Variants in AGBL4 observed in about 807,000 individuals in gnomAD.
AGBL4 encodes AGBL carboxypeptidase 4.
Under a neutral mutation model 66.4 loss-of-function variants are expected in AGBL4, and 58 were observed. The observed-to-expected ratio is 0.87, with a 90% CI of 0.71 to 1.09. The LOEUF (loss-of-function observed/expected upper bound fraction) is 1.09, where lower values mean the gene tolerates loss of function less well. AGBL4 is among the 50% of genes least tolerant of loss of function. The pLI is 0.00. For missense variants in AGBL4, 579 were observed against 631.0 expected (o/e 0.92, Z 0.88); for synonymous variants, 234 against 222.9 (o/e 1.05, Z -0.44).
At chr1:49,827,502 G>A (rs966367078) in intron 2 of AGBL4, among the ~76,000 whole-genome samples, 1 of 152,152 alleles carries the variant, frequency 6.6e-6, no homozygotes. Context: ...TCTAGATACA[G>A]ACACAATCGG....
At chr1:49,599,014 T>C (rs1043491936) in intron 3 of AGBL4, among the ~76,000 whole-genome samples, 1 of 152,224 alleles carries the variant, frequency 6.6e-6, no homozygotes, top group Non-Finnish European at 1.5e-5. Context: ...AGTATTTTAT[T>C]GAGGATTTTC....
intron 2 of AGBL4, among the ~76,000 whole-genome samples, chr1:49,747,616 A>C (rs984235491): frequency 6.6e-6 from 1 of 152,176 alleles, no homozygotes; most frequent in East Asian, 1.9e-4. Context: ...TTTGTCAACT[A>C]ATCAGAGATC....
intron 3 of AGBL4, among the ~76,000 whole-genome samples, chr1:49,258,335 G>T (rs574564572): frequency 6.6e-6 from 1 of 152,318 alleles, no homozygotes; most frequent in African/African-American, 2.4e-5. Flanking sequence ...AGAGAAGAAG[G>T]CTTCAGACGA....
chr1:49,831,821 G>T (rs947248157), intron 2 of AGBL4, among the ~76,000 whole-genome samples: 3 of 151,982 alleles, frequency 2.0e-5, no homozygotes, highest in Non-Finnish European at 4.4e-5. Flanking sequence ...TAGCATTAAG[G>T]GGTGTTGAAT....
chr1:48,970,548 C>A (rs1415701504), intron 5 of AGBL4, among the ~76,000 whole-genome samples: 3 of 152,208 alleles, frequency 2.0e-5, no homozygotes, highest in South Asian at 4.1e-4. Flanking sequence ...TTGCATTATT[C>A]TTTTATAGTG....
chr1:49,844,143 T>C (rs1646075138), intron 2 of AGBL4, among the ~76,000 whole-genome samples: 1 of 152,224 alleles, frequency 6.6e-6, no homozygotes, highest in African/African-American at 2.4e-5. Flanking sequence ...CAGCTATTCC[T>C]GTTTGTGGGA....
intron 3 of AGBL4, among the ~76,000 whole-genome samples, chr1:49,551,462 T>C (rs747517170): frequency 3.9e-5 from 6 of 152,200 alleles, no homozygotes; most frequent in Non-Finnish European, 7.3e-5. Context: ...AAGGTTACTG[T>C]TCAGATTCTT....
chr1:48,727,142 T>C (rs754055848), intron 6 of AGBL4, among the ~76,000 whole-genome samples: 1 of 152,142 alleles, frequency 6.6e-6, no homozygotes, highest in South Asian at 2.1e-4. Context: ...ACATTTGAGA[T>C]ACAAGATAGG....
chr1:48,866,847 T>C (rs939578698), intron 6 of AGBL4, among the ~76,000 whole-genome samples: 3 of 152,148 alleles, frequency 2.0e-5, no homozygotes, highest in Non-Finnish European at 4.4e-5. Context: ...AGATTCTCCA[T>C]TCCACATGAT....
chr1:49,613,609 G>GTTATGAGAATCTAATGCC (rs1645196559), intron 3 of AGBL4, among the ~76,000 whole-genome samples: 1 of 152,112 alleles, frequency 6.6e-6, no homozygotes, highest in Non-Finnish European at 1.5e-5. Flanking sequence ...GGGGATCTAG[G>GTTATGAGAATCTAATGCC]TTATGAGAAT....
At chr1:50,023,054 T>C (rs1034580590) in intron 1 of AGBL4, among the ~76,000 whole-genome samples, 3 of 152,036 alleles carry the variant, frequency 2.0e-5, no homozygotes, top group Non-Finnish European at 4.4e-5. Context: ...ATGCACTCCT[T>C]TGATTCTGAA....
At chr1:48,720,841 G>T (rs1268544271) in intron 6 of AGBL4, among the ~76,000 whole-genome samples, 1 of 151,996 alleles carries the variant, frequency 6.6e-6, no homozygotes, top group Non-Finnish European at 1.5e-5. Context: ...CTGGGGCTGG[G>T]AATGAAGGAT....
At chr1:48,872,425 T>C (rs1319853573) in intron 5 of AGBL4, among the ~76,000 whole-genome samples, 2 of 152,152 alleles carry the variant, frequency 1.3e-5, no homozygotes, top group African/African-American at 4.8e-5. Flanking sequence ...TTGTTTCTAA[T>C]CTTTTTCTTT....
At chr1:49,690,856 C>T (rs372025760) in intron 3 of AGBL4, among the ~76,000 whole-genome samples, 27 of 152,198 alleles carry the variant, frequency 1.8e-4, no homozygotes, top group East Asian at 3.9e-4. Flanking sequence ...CTTCCATCAA[C>T]GCTATTAGGT....
At chr1:49,679,990 TTC>T (rs779009581) in intron 3 of AGBL4, among the ~76,000 whole-genome samples, 5 of 151,930 alleles carry the variant, frequency 3.3e-5, no homozygotes, top group Non-Finnish European at 7.4e-5. Flanking sequence ...AAACAATATT[TTC>T]TGTTTTTTTT....
At chr1:48,971,910 G>A (rs528173181) in intron 5 of AGBL4, among the ~76,000 whole-genome samples, 52 of 152,216 alleles carry the variant, frequency 3.4e-4, no homozygotes, top group African/African-American at 1.2e-3. Flanking sequence ...GGGGCAGTGC[G>A]CCCAATCTCT....
intron 2 of AGBL4, among the ~76,000 whole-genome samples, chr1:49,798,573 C>T (rs2147943042): frequency 6.6e-6 from 1 of 152,200 alleles, no homozygotes; most frequent in Admixed American, 6.5e-5. Context: ...AAGAATATAA[C>T]CGCATTCCAA....
intron 3 of AGBL4, among the ~76,000 whole-genome samples, chr1:49,515,683 A>G (rs962126797): frequency 6.6e-6 from 1 of 151,810 alleles, no homozygotes; most frequent in Non-Finnish European, 1.5e-5. Context: ...TGTGGCACAT[A>G]TACACCATGG....
intron 5 of AGBL4, among the ~76,000 whole-genome samples, chr1:48,979,275 A>G (rs1482600884): frequency 6.6e-6 from 1 of 152,200 alleles, no homozygotes; most frequent in Non-Finnish European, 1.5e-5. Flanking sequence ...AGAGTATTCT[A>G]AAACATTACT....
Sources: allele counts gnomAD v4.1 joint callset (sites outside exome capture counted in the v4.1 genomes callset), GRCh38; gene constraint gnomAD v4.1.1; transcripts MANE v1.5; gene names NCBI Gene and HGNC (gene_info 2026-07-23, HGNC 2026-07-21).